The following NPAS3 variants were observed in gnomAD, a reference collection of about 807,000 sequenced individuals.
NPAS3 encodes the protein neuronal PAS domain protein 3, also known as neuronal PAS domain-containing protein 3.
NPAS3 carries 14 observed loss-of-function variants against 73.1 expected under a neutral mutation model. The observed-to-expected ratio is 0.19, with a 90% CI of 0.13 to 0.30. NPAS3 has a LOEUF of 0.30. NPAS3 is among the 10% of genes least tolerant of loss of function. NPAS3 has a pLI of 1.00. For synonymous variants in NPAS3, 620 were observed against 541.5 expected (o/e 1.14, Z -2.01); for missense variants, 1,096 against 1,250.0 (o/e 0.88, Z 1.86).
chr14:33,194,454 A>T (rs1200652226), intron 2 of NPAS3, among the ~76,000 whole-genome samples: 2 of 152,182 alleles, frequency 1.3e-5, no homozygotes, highest in Non-Finnish European at 2.9e-5. Context: ...GCCTCAGTCT[A>T]CAGAAGATCA....
At chr14:32,952,663 C>A (rs890543962) in intron 1 of NPAS3, among the ~76,000 whole-genome samples, 1 of 151,902 alleles carries the variant, frequency 6.6e-6, no homozygotes, top group East Asian at 1.9e-4. Flanking sequence ...GGGTTAAATA[C>A]CTGTGTTGTA....
At chr14:33,111,824 G>C (rs12893530) in intron 2 of NPAS3, among the ~76,000 whole-genome samples, 42,850 of 117,750 alleles carry the variant, frequency 0.36, 7,148 homozygotes, top group Admixed American at 0.54. Context: ...CCCCTTGCCC[G>C]CACCCCACAA....
intron 3 of NPAS3, among the ~76,000 whole-genome samples, chr14:33,316,960 A>G (rs2043230739): frequency 6.6e-6 from 1 of 152,128 alleles, no homozygotes. Context: ...GGAAGTTTTA[A>G]TAGATCACTT....
chr14:33,087,382 A>G (rs1274716402), intron 2 of NPAS3, among the ~76,000 whole-genome samples: 1 of 151,754 alleles, frequency 6.6e-6, no homozygotes, highest in African/African-American at 2.4e-5. Flanking sequence ...GATACAGGAT[A>G]TTTGTTTTCT....
chr14:33,782,823 T>TAAAAAAA lies in NPAS3; in HGVS notation c.1153+4253_1153+4259dup, dbSNP rs199704146. Among the ~76,000 whole-genome samples, 24 of 148,720 alleles carry TAAAAAAA rather than the reference T, an allele frequency of 1.6e-4. 1 individual carries two copies. Among genetic ancestry groups the TAAAAAAA allele is most frequent in the Admixed American group, 1.3e-3 (20 of 14,958 alleles). ...AACATACTTGGGGGTTGTTTTTTTTTAAAAAAAAGAAAAAAACAGTAGCTT... is the reference window on the plus strand; with the variant it reads ...AACATACTTGGGGGTTGTTTTTTTTTAAAAAAAAAAAAAAAGAAAAAAACAGTAGCTT... On this transcript the variant is annotated intron_variant, in intron 9 of 11. Coordinates refer to ENST00000356141, the Ensembl canonical transcript of NPAS3.
chr14:33,731,551 G>A (rs572506467), intron 6 of NPAS3, among the ~76,000 whole-genome samples: 2 of 152,094 alleles, frequency 1.3e-5, no homozygotes, highest in East Asian at 3.9e-4. Context: ...CCTAGTTTCA[G>A]CCCAGTGAGA....
chr14:33,478,120 G>A (rs919059364), intron 4 of NPAS3, among the ~76,000 whole-genome samples: 4 of 152,060 alleles, frequency 2.6e-5, no homozygotes, highest in Middle Eastern at 3.2e-3. Context: ...GAGAAAAAAC[G>A]GAGAGGAAAT....
intron 3 of NPAS3, among the ~76,000 whole-genome samples, chr14:33,291,428 T>A (rs191997792): frequency 0.011 from 1,611 of 152,318 alleles, 31 homozygotes; most frequent in African/African-American, 0.036. Flanking sequence ...ACAAGCAGTC[T>A]GTCATTAATA....
intron 5 of NPAS3, among the ~76,000 whole-genome samples, chr14:33,673,961 C>T (rs962866319): frequency 6.6e-6 from 1 of 152,178 alleles, no homozygotes; most frequent in African/African-American, 2.4e-5. Flanking sequence ...GTGTCAAACT[C>T]CCAGTGCCCA....
intron 9 of NPAS3, among the ~76,000 whole-genome samples, chr14:33,780,260 T>C (rs1052186664): frequency 2.0e-5 from 3 of 152,192 alleles, no homozygotes; most frequent in Non-Finnish European, 2.9e-5. Context: ...GTGTTGTGTA[T>C]CGTAGAAGCA....
intron 3 of NPAS3, among the ~76,000 whole-genome samples, chr14:33,316,080 A>C (rs1373698253): frequency 6.6e-6 from 1 of 152,094 alleles, no homozygotes; most frequent in Non-Finnish European, 1.5e-5. Flanking sequence ...TATACATTAA[A>C]GCTTAAATTT....
chr14:33,046,202 A>G (rs2040500365), intron 1 of NPAS3, among the ~76,000 whole-genome samples: 2 of 152,268 alleles, frequency 1.3e-5, no homozygotes, highest in African/African-American at 4.8e-5. Flanking sequence ...AGAAAATGGC[A>G]TGTTCAAAGG....
chr14:33,190,780 A>G (rs886962597), intron 2 of NPAS3, among the ~76,000 whole-genome samples: 64 of 152,248 alleles, frequency 4.2e-4, no homozygotes, highest in African/African-American at 1.5e-3. Flanking sequence ...CACTGCCAAC[A>G]TGATATGTGT....
intron 2 of NPAS3, among the ~76,000 whole-genome samples, chr14:33,177,071 T>TTTA (rs58286290): frequency 0.13 from 17,507 of 138,056 alleles, 1,188 homozygotes; most frequent in East Asian, 0.26. Context: ...TGTTTATCTT[T>TTTA]TTATTATTAT....
At chr14:33,189,053 A>G (rs193192026) in intron 2 of NPAS3, among the ~76,000 whole-genome samples, 6 of 152,202 alleles carry the variant, frequency 3.9e-5, no homozygotes, top group African/African-American at 1.2e-4. Context: ...AATTATTCAC[A>G]GTGTTGCACA....
chr14:33,139,989 T>C (rs370720313), intron 2 of NPAS3, among the ~76,000 whole-genome samples: 73 of 152,186 alleles, frequency 4.8e-4, no homozygotes, highest in African/African-American at 1.7e-3. Context: ...GGGATTTTCA[T>C]TTTTTACGCT....
At chr14:33,079,563 C>A (rs558472783) in intron 2 of NPAS3, among the ~76,000 whole-genome samples, 1 of 131,124 alleles carries the variant, frequency 7.6e-6, no homozygotes, top group East Asian at 2.4e-4. Context: ...AGTAATTCAC[C>A]CGCCTCGGCC....
chr14:32,968,103 G>A (rs2037261317), intron 1 of NPAS3, among the ~76,000 whole-genome samples: 1 of 152,144 alleles, frequency 6.6e-6, no homozygotes, highest in Non-Finnish European at 1.5e-5. Flanking sequence ...CAGGGGATGG[G>A]GAGAGGTTGG....
chr14:33,081,607 A>G (rs1238035333), intron 2 of NPAS3, among the ~76,000 whole-genome samples: 1 of 152,248 alleles, frequency 6.6e-6, no homozygotes. Flanking sequence ...CTGCATGTTG[A>G]AGATGATCTG....
Sources: gnomAD v4.1 joint callset for allele counts (sites outside exome capture counted in the v4.1 genomes callset) on GRCh38, gnomAD v4.1.1 for gene constraint, MANE v1.5 for transcripts, NCBI Gene and HGNC (gene_info 2026-07-23, HGNC 2026-07-21) for gene names.